BICC1: variants seen among roughly 807,000 people sequenced by gnomAD.
BICC1 encodes the protein protein bicaudal C homolog 1.
BICC1 carries 43 observed loss-of-function variants against 111.0 expected under a neutral mutation model. The observed-to-expected ratio is 0.39, with a 90% confidence interval of 0.30 to 0.50. The LOEUF (loss-of-function observed/expected upper bound fraction) is 0.50. Ranked by LOEUF, BICC1 falls within the 20% of genes least tolerant of loss-of-function variation. BICC1 has a pLI of 0.88. For synonymous variants in BICC1, 467 were observed against 434.4 expected, an observed-to-expected ratio of 1.07 and a Z score of -0.93; for missense variants, 1,091 against 1,203.2, an observed-to-expected ratio of 0.91 and a Z score of 1.38.
Position 58,732,265 on chromosome 10 carries a change from A to G in BICC1, c.307+30122A>G, listed in dbSNP as rs979351928. ...CCCAAGGCGGCGGGTGGGGATGGGGAGAGAGAGAGAGAGAGAGAAAGAAGG... is the reference window on the plus strand; with the variant it reads ...CCCAAGGCGGCGGGTGGGGATGGGGGGAGAGAGAGAGAGAGAGAAAGAAGG... On this transcript the variant is annotated intron_variant, in intron 3 of 20. Coordinates refer to ENST00000373886, the MANE Select transcript of BICC1 (RefSeq NM_001080512.3). Among the ~76,000 whole-genome samples the G allele has an allele frequency of 1.7e-4, 24 of 144,464 alleles. No individual in the cohort carries two copies. The East Asian group carries it at 2.2e-3, about 13-fold the overall frequency. The allele number at this position is 144,464 out of a possible 152,430, so 94.8% of individuals were successfully genotyped here. A position where few individuals can be genotyped will look rare whatever the true frequency, so the allele number is the denominator to read the frequency against.
chr10:58,522,167 A>G (rs532095810), intron 1 of BICC1, among the ~76,000 whole-genome samples: 2 of 152,040 alleles, frequency 1.3e-5, no homozygotes, highest in South Asian at 2.1e-4. Context: ...GCGGAGGGCA[A>G]TATTGTCATA....
At chr10:58,826,568 G>A (rs1844402373) in intron 20 of BICC1, among the ~76,000 whole-genome samples, 3 of 24,084 alleles carry the variant, frequency 1.2e-4, no homozygotes, top group East Asian at 1.6e-3. Context: ...TGGCTAACAC[G>A]GTGAAACCTT....
chr10:58,597,010 A>G (rs944798923), intron 1 of BICC1, among the ~76,000 whole-genome samples: 1 of 152,236 alleles, frequency 6.6e-6, no homozygotes, highest in Non-Finnish European at 1.5e-5. Flanking sequence ...TGCTATCCCC[A>G]TCAAGCTACC....
At chr10:58,520,409 C>G (rs145670032) in intron 1 of BICC1, among the ~76,000 whole-genome samples, 20 of 152,200 alleles carry the variant, frequency 1.3e-4, no homozygotes, top group African/African-American at 4.8e-4. Flanking sequence ...CCAGAGAGCA[C>G]AAAACCATCA....
intron 9 of BICC1, among the ~76,000 whole-genome samples, chr10:58,794,229 A>T (rs1174723984): frequency 1.3e-5 from 2 of 150,048 alleles, no homozygotes; most frequent in Admixed American, 1.3e-4. Flanking sequence ...AGTGTAATTC[A>T]GAAATTGTTT....
chr10:58,612,890 A>G (rs1010595503), intron 1 of BICC1, among the ~76,000 whole-genome samples: 2 of 152,202 alleles, frequency 1.3e-5, no homozygotes, highest in African/African-American at 4.8e-5. Flanking sequence ...CATGTGCCCC[A>G]GGAAGAATTT....
intron 1 of BICC1, among the ~76,000 whole-genome samples, chr10:58,543,004 A>G (rs1843036630): frequency 6.6e-6 from 1 of 152,088 alleles, no homozygotes; most frequent in African/African-American, 2.4e-5. Context: ...TAATTCAGCA[A>G]TCTCACTTCT....
intron 2 of BICC1, among the ~76,000 whole-genome samples, chr10:58,623,434 A>G (rs556617395): frequency 2.0e-5 from 3 of 152,306 alleles, no homozygotes; most frequent in Admixed American, 2.0e-4. Flanking sequence ...CCAGTTTTCT[A>G]TACACTGTTT....
chr10:58,676,232 T>A (rs1429057985), intron 2 of BICC1, among the ~76,000 whole-genome samples: 1 of 152,020 alleles, frequency 6.6e-6, no homozygotes, highest in Non-Finnish European at 1.5e-5. Context: ...TGCAGGAGTG[T>A]TTTTTCATAC....
rs1324563499 is a variant in BICC1 at position 58,654,618 on chromosome 10, C to T, written c.237+33717C>T. On this transcript the variant is annotated intron_variant, in intron 2 of 20. Transcript: ENST00000373886. ...GATGAGTAGGTTGCGACAATTTTCT[C>T]CCATTTTGTAGGTTGCCTGTTCACT... is the stretch of plus-strand genomic sequence containing the variant. 1.9e-3 allele frequency among the ~76,000 whole-genome samples: 168 copies of T among 88,404 alleles called. 1 individual carries two copies. The highest frequency in any genetic ancestry group is 6.2e-3 in the African/African-American group (159 of 25,452). The allele number at this position is 88,404 out of a possible 152,430, so 58.0% of individuals were successfully genotyped here. A position where few individuals can be genotyped will look rare whatever the true frequency, so the allele number is the denominator to read the frequency against.
At chr10:58,814,278 CTG>C (rs1844014084) in intron 18 of BICC1, 1 of 603,354 alleles carries the variant, frequency 1.7e-6, no homozygotes, top group Non-Finnish European at 2.9e-6. Flanking sequence ...AAACCAAAGA[CTG>C]TATTTGTTCA....
In BICC1 at chr10:58,716,064, A is replaced by G. The variant is rs1033343778; in HGVS notation, c.307+13921A>G. The stretch of plus-strand genomic sequence containing the variant: ...AGTCAAAAGATGGAACTGAGAAAGA[A>G]AAGGATATTAAAGGACTCAGCAAAA... On this transcript the variant is annotated intron_variant, in intron 3 of 20. Transcript: ENST00000373886. The G allele has an allele frequency of 2.1e-6, 3 of 1,456,220 alleles. No homozygotes were observed. The African/African-American group carries it at 4.2e-5, about 20-fold the overall frequency. The allele number at this position is 1,456,220 out of a possible 1,614,324, so 90.2% of individuals were successfully genotyped here.
intron 2 of BICC1, among the ~76,000 whole-genome samples, chr10:58,678,309 G>A (rs557719977): frequency 6.6e-5 from 10 of 152,126 alleles, no homozygotes; most frequent in African/African-American, 9.7e-5. Flanking sequence ...CCTGTCTCAC[G>A]TGCAAAGACA....
At chr10:58,560,938 G>C (rs1843587369) in intron 1 of BICC1, among the ~76,000 whole-genome samples, 1 of 151,922 alleles carries the variant, frequency 6.6e-6, no homozygotes, top group Non-Finnish European at 1.5e-5. Flanking sequence ...GTTGAGGCTT[G>C]TTTTTGGGTT....
At chr10:58,724,666 C>T (rs927319952) in intron 3 of BICC1, among the ~76,000 whole-genome samples, 11 of 152,182 alleles carry the variant, frequency 7.2e-5, no homozygotes, top group Admixed American at 7.2e-4. Context: ...TTATGCTTAG[C>T]CCTACTTGCC....
rs184599917 is a variant in BICC1, at chr10:58,677,702, A to G, written c.238-24372A>G. Among the ~76,000 whole-genome samples, 29 of 152,334 alleles carry G rather than the reference A, an allele frequency of 1.9e-4. No homozygotes were observed. The East Asian group carries it at 4.6e-3, about 24-fold the overall frequency. On this transcript the variant is annotated intron_variant, in intron 2 of 20. Coordinates refer to ENST00000373886, the MANE Select transcript of BICC1 (RefSeq NM_001080512.3). ...AAATTCAGGAAATACAGAGAACACC[A>G]CAAAGTTACTCCTAGAGAAGAGCAA...
intron 9 of BICC1, among the ~76,000 whole-genome samples, chr10:58,795,439 AAAAGAT>A (rs1843322643): frequency 6.6e-6 from 1 of 152,208 alleles, no homozygotes; most frequent in South Asian, 2.1e-4. Flanking sequence ...TACCAGGACT[AAAAGAT>A]AAAGACAGGA....
chr10:58,741,780 T>C (rs1180683840), intron 3 of BICC1, among the ~76,000 whole-genome samples: 1 of 152,112 alleles, frequency 6.6e-6, no homozygotes, highest in Non-Finnish European at 1.5e-5. Flanking sequence ...TCTGTTGAAA[T>C]TGTTGGATTT....
chr10:58,599,412 A>G (rs925237721), intron 1 of BICC1, among the ~76,000 whole-genome samples: 1 of 152,112 alleles, frequency 6.6e-6, no homozygotes, highest in Non-Finnish European at 1.5e-5. Context: ...AGAAAACTAA[A>G]CACTGCATGT....
Sources: allele counts gnomAD v4.1 joint callset (sites outside exome capture counted in the v4.1 genomes callset), GRCh38; gene constraint gnomAD v4.1.1; transcripts MANE v1.5; gene names NCBI Gene and HGNC (gene_info 2026-07-23, HGNC 2026-07-21).